The following PLEKHG1 variants were observed in gnomAD, a reference collection of about 807,000 sequenced individuals.
PLEKHG1 encodes the protein pleckstrin homology and RhoGEF domain containing G1.
A neutral mutation model predicts 100.8 loss-of-function variants in PLEKHG1; 44 were observed. The ratio of observed to expected loss-of-function variants is 0.44; its 90% CI spans 0.34 to 0.56. PLEKHG1 has a LOEUF of 0.56. Ranked by LOEUF, PLEKHG1 falls within the 20% of genes least tolerant of loss-of-function variation. PLEKHG1 has a pLI of 0.01. For synonymous variants in PLEKHG1, 640 were observed against 662.5 expected (o/e 0.97, Z 0.52); for missense variants, 1,545 against 1,720.9 (o/e 0.90, Z 1.81).
intron 3 of PLEKHG1, among the ~76,000 whole-genome samples, chr6:150,782,870 GAAAGGAC>G (rs1785395508): frequency 6.6e-6 from 1 of 152,048 alleles, no homozygotes; most frequent in African/African-American, 2.4e-5. Flanking sequence ...TTTCAAATAT[GAAAGGAC>G]AAATGAAGAT....
chr6:150,663,289 T>G (rs1406416155), intron 3 of PLEKHG1: 1 of 152,210 alleles, frequency 6.6e-6, no homozygotes, highest in Non-Finnish European at 1.5e-5. Flanking sequence ...ATTTTAGCCT[T>G]AAAGGCAAGT....
At chr6:150,751,490 A>G (rs1015381077) in intron 2 of PLEKHG1, among the ~76,000 whole-genome samples, 2 of 152,240 alleles carry the variant, frequency 1.3e-5, no homozygotes, top group Non-Finnish European at 2.9e-5. Context: ...CACCAGCCTC[A>G]GCCCTCAAAA....
At chr6:150,827,728 C>T in intron 14 of PLEKHG1, 1 of 1,325,514 alleles carries the variant, frequency 7.5e-7, no homozygotes, top group Non-Finnish European at 1.1e-6. Flanking sequence ...TCTTACCCGC[C>T]AAGGAAAGAA....
intron 1 of PLEKHG1, among the ~76,000 whole-genome samples, chr6:150,602,147 G>A (rs1776383362): frequency 6.6e-6 from 1 of 152,210 alleles, no homozygotes; most frequent in African/African-American, 2.4e-5. Flanking sequence ...TGCTTGAGTA[G>A]CACTAAATCT....
chr6:150,632,890 T>C (rs1777821289), intron 1 of PLEKHG1: 1 of 152,198 alleles, frequency 6.6e-6, no homozygotes, highest in African/African-American at 2.4e-5. Context: ...AGACTAAAAT[T>C]TGCATATATG....
chr6:150,810,535 A>AAAGAAAGAAAGAAAGAAAGAAAGG (rs1562540297), intron 10 of PLEKHG1, among the ~76,000 whole-genome samples: 7 of 127,422 alleles, frequency 5.5e-5, no homozygotes, highest in Non-Finnish European at 1.1e-4. Flanking sequence ...AGAAAGAAAG[A>AAAGAAAGAAAGAAAGAAAGAAAGG]AAGGAAGAAA....
At chr6:150,602,804 AGAAATGTTG>A (rs1198326402) in intron 1 of PLEKHG1, among the ~76,000 whole-genome samples, 1 of 152,208 alleles carries the variant, frequency 6.6e-6, no homozygotes, top group Non-Finnish European at 1.5e-5. Flanking sequence ...GCACTGCCTA[AGAAATGTTG>A]GTTGCATGGA....
chr6:150,779,140 C>A (rs1158777970), intron 3 of PLEKHG1, among the ~76,000 whole-genome samples: 1 of 151,962 alleles, frequency 6.6e-6, no homozygotes, highest in African/African-American at 2.4e-5. Context: ...AATTAGGGAT[C>A]GGAACTGAAG....
At chr6:150,691,190 A>C (rs1467586404) in intron 3 of PLEKHG1, among the ~76,000 whole-genome samples, 1 of 152,240 alleles carries the variant, frequency 6.6e-6, no homozygotes, top group Non-Finnish European at 1.5e-5. Context: ...TTTTATGACT[A>C]ATGAGATGGT....
chr6:150,700,547 A>G (rs1780729741), intron 3 of PLEKHG1, among the ~76,000 whole-genome samples: 1 of 151,846 alleles, frequency 6.6e-6, no homozygotes, highest in South Asian at 2.1e-4. Context: ...ATTTTGGTTA[A>G]ACATATTTAC....
intron 3 of PLEKHG1, among the ~76,000 whole-genome samples, chr6:150,701,531 T>C (rs1780790748): frequency 7.0e-6 from 1 of 142,908 alleles, no homozygotes; most frequent in Non-Finnish European, 1.5e-5. Context: ...TGTATACATG[T>C]GCCATGTTGG....
intron 3 of PLEKHG1, chr6:150,663,584 C>T: frequency 7.0e-6 from 1 of 143,136 alleles, no homozygotes; most frequent in African/African-American, 2.6e-5. Context: ...GATGGAGTCT[C>T]ACTCTGTTGT....
chr6:150,693,357 G>A (rs1178313958), intron 3 of PLEKHG1, among the ~76,000 whole-genome samples: 1 of 152,162 alleles, frequency 6.6e-6, no homozygotes, highest in Non-Finnish European at 1.5e-5. Flanking sequence ...CTTCCTGGAA[G>A]TCGCTTCTCA....
intron 1 of PLEKHG1, chr6:150,632,858 G>A (rs1239967482): frequency 2.0e-5 from 3 of 152,152 alleles, no homozygotes; most frequent in Non-Finnish European, 4.4e-5. Flanking sequence ...AAAGTTTCTG[G>A]GGAAACGAGC....
At chr6:150,713,657 C>T (rs1185728304) in intron 3 of PLEKHG1, among the ~76,000 whole-genome samples, 2 of 152,116 alleles carry the variant, frequency 1.3e-5, no homozygotes, top group African/African-American at 2.4e-5. Context: ...CTGTTTGCTC[C>T]CAGAAGCTTC....
intron 3 of PLEKHG1, among the ~76,000 whole-genome samples, chr6:150,656,638 A>G (rs969318878): frequency 1.5e-4 from 23 of 152,342 alleles, no homozygotes; most frequent in Admixed American, 1.2e-3. Flanking sequence ...CTACTTTACT[A>G]GTTTAAACTA....
rs113595784 is a variant in PLEKHG1, at chr6:150,832,053, G to A, written c.2942G>A (p.Arg981Gln). ...AAAAGCAGGGTGTTTATGATGGCTC[G>A]GCAGTACAGTCAGAAGATTAAGAAG... Residue 981 changes from arginine (R) to glutamine (Q), a missense_variant, in exon 15 of 16, where the codon CGG (arginine) becomes CAG (glutamine). Transcript: ENST00000358517. 47 of 1,614,084 alleles carry A rather than the reference G, an allele frequency of 2.9e-5. No individual in the cohort carries two copies. The highest frequency in any genetic ancestry group is 1.6e-4 in the East Asian group (7 of 44,902).
At chr6:150,720,072 G>A (rs1781603674), upstream of PLEKHG1, among the ~76,000 whole-genome samples, 1 of 152,076 alleles carries the variant, frequency 6.6e-6, no homozygotes, top group African/African-American at 2.4e-5. Flanking sequence ...TGCTTTAAAT[G>A]GAACTTCTAT....
At chr6:150,822,717 C>G (rs1032696848) in intron 13 of PLEKHG1, among the ~76,000 whole-genome samples, 8 of 152,182 alleles carry the variant, frequency 5.3e-5, no homozygotes, top group Admixed American at 2.6e-4. Flanking sequence ...TGGTGGCTCA[C>G]GCCTGTAATA....
Sources: gnomAD v4.1 joint callset for allele counts (sites outside exome capture counted in the v4.1 genomes callset) on GRCh38, gnomAD v4.1.1 for gene constraint, MANE v1.5 for transcripts, NCBI Gene and HGNC (gene_info 2026-07-23, HGNC 2026-07-21) for gene names.